ROR1: variants seen among roughly 807,000 people sequenced by gnomAD.
The protein encoded by ROR1 is inactive tyrosine-protein kinase transmembrane receptor ROR1.
ROR1 carries 19 observed loss-of-function variants against 78.8 expected under a neutral mutation model. That is an observed-to-expected ratio of 0.24 (90% confidence interval 0.17 to 0.35). ROR1 has a LOEUF of 0.35. Among genes scored for constraint, ROR1 ranks in the 10% least tolerant of loss-of-function variants. The probability of loss-of-function intolerance (pLI) is 1.00; values close to 1 mark genes in which losing one functional copy is unlikely to be tolerated. For missense variants in ROR1, 917 were observed against 1,177.8 expected (o/e 0.78, Z 3.24); for synonymous variants, 386 against 433.6 (o/e 0.89, Z 1.36).
intron 1 of ROR1, among the ~76,000 whole-genome samples, chr1:63,869,560 C>G (rs1040621425): frequency 6.6e-6 from 1 of 152,230 alleles, no homozygotes; most frequent in Non-Finnish European, 1.5e-5. Flanking sequence ...ACTCTCTCCT[C>G]TTTGCACTTT....
chr1:64,166,274 G>T (rs1044218071), intron 8 of ROR1, among the ~76,000 whole-genome samples: 1 of 152,142 alleles, frequency 6.6e-6, no homozygotes, highest in Non-Finnish European at 1.5e-5. Flanking sequence ...CTGTAGCCCT[G>T]TAGTATAGTT....
At chr1:63,849,689 C>T (rs1645101922) in intron 1 of ROR1, among the ~76,000 whole-genome samples, 2 of 152,168 alleles carry the variant, frequency 1.3e-5, no homozygotes, top group South Asian at 4.2e-4. Context: ...AGAATGAGAC[C>T]CTGTCTCAAA....
intron 1 of ROR1, among the ~76,000 whole-genome samples, chr1:63,835,712 A>G (rs1273218349): frequency 1.3e-5 from 2 of 152,234 alleles, no homozygotes; most frequent in African/African-American, 2.4e-5. Context: ...AAAATATACT[A>G]AAGTATGGGA....
rs946098158 is a variant in ROR1, at chr1:64,113,401, C to T, written c.483-23968C>T. Reference sequence around the variant, plus strand: ...TCACAGGTACCATCCCTATATTCTGCAGTAGGCCGAAGAGATAGCCGTTGA... The same window carrying T: ...TCACAGGTACCATCCCTATATTCTGTAGTAGGCCGAAGAGATAGCCGTTGA... On this transcript the variant is annotated intron_variant, in intron 4 of 8. Coordinates refer to ENST00000371079, the MANE Select transcript of ROR1 (RefSeq NM_005012.4). 3.7e-4 allele frequency among the ~76,000 whole-genome samples: 57 copies of T among 152,152 alleles called. 1 individual carries two copies. The highest frequency in any genetic ancestry group is 4.8e-4 in the African/African-American group (20 of 41,446).
At position 63,995,459 on chromosome 1, in the gene ROR1, G is replaced by A. The variant is rs537626381; in HGVS notation, c.92-13846G>A. ...AGATGACTCTAATAGGCAGTTCTCC[G>A]TAGCGCTTCACAACAATGAAAGTAA... On this transcript the variant is annotated intron_variant, in intron 1 of 8. Transcript: ENST00000371079. 8.4e-4 allele frequency among the ~76,000 whole-genome samples: 128 copies of A among 152,286 alleles called. 2 individuals are homozygous for A. Among genetic ancestry groups the A allele is most frequent in the South Asian group, 2.1e-4 (1 of 4,824 alleles).
intron 8 of ROR1, among the ~76,000 whole-genome samples, chr1:64,163,286 T>C (rs984046753): frequency 6.6e-6 from 1 of 150,864 alleles, no homozygotes; most frequent in Non-Finnish European, 1.5e-5. Context: ...GGCATGGTGG[T>C]GCATCTCTAT....
chr1:63,974,913 G>A (rs186464522), intron 1 of ROR1, among the ~76,000 whole-genome samples: 2 of 152,284 alleles, frequency 1.3e-5, no homozygotes, highest in Admixed American at 6.5e-5. Flanking sequence ...TTTAGCTATC[G>A]ATGTGATCTC....
At chr1:63,862,009 AAAT>A (rs1453857814) in intron 1 of ROR1, among the ~76,000 whole-genome samples, 2 of 152,224 alleles carry the variant, frequency 1.3e-5, no homozygotes, top group Admixed American at 6.5e-5. Context: ...CTTAAGCAAT[AAAT>A]AATGGTTATC....
intron 1 of ROR1, among the ~76,000 whole-genome samples, chr1:63,814,455 AT>A (rs1422132429): frequency 6.6e-6 from 1 of 152,074 alleles, no homozygotes; most frequent in Non-Finnish European, 1.5e-5. Context: ...TTTGGAGATG[AT>A]TCAAGCACAT....
In ROR1 at chr1:63,989,465, A is replaced by G. The variant is rs546425846; in HGVS notation, c.92-19840A>G. On this transcript the variant is annotated intron_variant, in intron 1 of 8. Coordinates refer to ENST00000371079, the MANE Select transcript of ROR1 (RefSeq NM_005012.4). ...TGATTAGTCCATTAAATTTAGGGCT[A>G]CTCTGATGTTAGACTGACTTCTTCA... Among the ~76,000 whole-genome samples, 119 of 151,978 alleles carry G rather than the reference A, an allele frequency of 7.8e-4. 1 individual carries two copies. The highest frequency in any genetic ancestry group is 2.7e-3 in the African/African-American group (112 of 41,464).
intron 1 of ROR1, among the ~76,000 whole-genome samples, chr1:63,913,890 T>A (rs1645589809): frequency 6.6e-6 from 1 of 152,178 alleles, no homozygotes; most frequent in Admixed American, 6.5e-5. Context: ...TAAAACGCCG[T>A]CCTCACACGG....
At chr1:64,027,876 T>C (rs1052055459) in intron 2 of ROR1, among the ~76,000 whole-genome samples, 2 of 151,956 alleles carry the variant, frequency 1.3e-5, no homozygotes, top group African/African-American at 4.8e-5. Flanking sequence ...TTAGTAGAGA[T>C]AGGGTTTCAC....
At chr1:63,888,331 C>G (rs2100384801) in intron 1 of ROR1, among the ~76,000 whole-genome samples, 1 of 152,098 alleles carries the variant, frequency 6.6e-6, no homozygotes, top group Admixed American at 6.5e-5. Context: ...AGACTGATGC[C>G]CAGCTGGGCA....
At chr1:64,033,303 T>C (rs1646676014) in intron 2 of ROR1, among the ~76,000 whole-genome samples, 1 of 152,172 alleles carries the variant, frequency 6.6e-6, no homozygotes, top group Non-Finnish European at 1.5e-5. Context: ...TAATTGCATA[T>C]ACGTGGTTGC....
At chr1:63,922,932 G>A (rs928896993) in intron 1 of ROR1, among the ~76,000 whole-genome samples, 3 of 152,036 alleles carry the variant, frequency 2.0e-5, no homozygotes, top group South Asian at 2.1e-4. Flanking sequence ...GTGACCATCC[G>A]GCTAAGAAAT....
chr1:64,131,311 G>A (rs1648903541), intron 4 of ROR1, among the ~76,000 whole-genome samples: 1 of 152,148 alleles, frequency 6.6e-6, no homozygotes, highest in Admixed American at 6.5e-5. Flanking sequence ...GTCCCTATGA[G>A]GCTGCCATGC....
chr1:63,827,693 G>A (rs553154901), intron 1 of ROR1, among the ~76,000 whole-genome samples: 11 of 152,272 alleles, frequency 7.2e-5, no homozygotes, highest in African/African-American at 2.4e-4. Flanking sequence ...GCTGGATATT[G>A]CCATGAAAAT....
At chr1:63,845,226 A>G (rs761188369) in intron 1 of ROR1, among the ~76,000 whole-genome samples, 4 of 152,188 alleles carry the variant, frequency 2.6e-5, no homozygotes, top group Non-Finnish European at 4.4e-5. Flanking sequence ...AAATAATTAG[A>G]GCACAGCCTG....
intron 8 of ROR1, among the ~76,000 whole-genome samples, chr1:64,163,239 A>T (rs1421575193): frequency 6.9e-6 from 1 of 145,594 alleles, no homozygotes; most frequent in East Asian, 2.0e-4. Flanking sequence ...ACACACACAC[A>T]CACACACACA....
Sources: allele counts gnomAD v4.1 joint callset (sites outside exome capture counted in the v4.1 genomes callset), GRCh38; gene constraint gnomAD v4.1.1; transcripts MANE v1.5; gene names NCBI Gene and HGNC (gene_info 2026-07-23, HGNC 2026-07-21).